Variants in CARMIL1 observed in about 807,000 individuals in gnomAD.
CARMIL1 encodes the protein capping protein regulator and myosin 1 linker 1, also known as F-actin-uncapping protein LRRC16A.
In CARMIL1, 90 loss-of-function variants were observed where a neutral mutation model predicts 177.1. That is an observed-to-expected ratio of 0.51 (90% CI 0.43 to 0.61). The LOEUF (loss-of-function observed/expected upper bound fraction) is 0.61, where lower values mean the gene tolerates loss of function less well. Among genes scored for constraint, CARMIL1 ranks in the 20% least tolerant of loss-of-function variants. CARMIL1 has a pLI of 0.00. For missense variants in CARMIL1, 1,380 were observed against 1,667.0 expected (o/e 0.83, Z 3.00); for synonymous variants, 577 against 606.2 (o/e 0.95, Z 0.71).
At chr6:25,459,857 G>A (rs566213767) in intron 8 of CARMIL1, among the ~76,000 whole-genome samples, 27 of 152,138 alleles carry the variant, frequency 1.8e-4, no homozygotes, top group Admixed American at 5.2e-4. Context: ...CTCATGAGAG[G>A]GTTCCCTCAA....
At chr6:25,366,633 C>T (rs1030792339) in intron 2 of CARMIL1, among the ~76,000 whole-genome samples, 3 of 150,414 alleles carry the variant, frequency 2.0e-5, no homozygotes, top group African/African-American at 7.4e-5. Context: ...TAGTGCCTGG[C>T]ACATACTAGA....
At chr6:25,531,933 G>C (rs1807800299) in intron 24 of CARMIL1, among the ~76,000 whole-genome samples, 1 of 151,876 alleles carries the variant, frequency 6.6e-6, no homozygotes, top group African/African-American at 2.4e-5. Flanking sequence ...ACCACACCCA[G>C]CTAATTTTTG....
chr6:25,327,769 A>G (rs1384839267), intron 2 of CARMIL1, among the ~76,000 whole-genome samples: 3 of 152,256 alleles, frequency 2.0e-5, no homozygotes. Context: ...TTTGTGCCTC[A>G]TGTCATGTTA....
At chr6:25,281,136 G>A (rs796162905) in intron 1 of CARMIL1, among the ~76,000 whole-genome samples, 2,435 of 132,186 alleles carry the variant, frequency 0.018, 37 homozygotes, top group Non-Finnish European at 0.025. Context: ...GTGCGCGCGC[G>A]CACACACACA....
chr6:25,332,773 G>GCACA (rs376381821), intron 2 of CARMIL1, among the ~76,000 whole-genome samples: 5,807 of 104,362 alleles, frequency 0.056, 164 homozygotes, highest in Non-Finnish European at 0.08. Context: ...ACACACACAC[G>GCACA]CGCACACACA....
chr6:25,292,525 C>G (rs1404546576), intron 2 of CARMIL1, among the ~76,000 whole-genome samples: 1 of 152,168 alleles, frequency 6.6e-6, no homozygotes, highest in African/African-American at 2.4e-5. Context: ...GGGGCAGGCT[C>G]TGGCCCTGGG....
At chr6:25,386,119 G>T (rs987583965) in intron 2 of CARMIL1, among the ~76,000 whole-genome samples, 1 of 152,200 alleles carries the variant, frequency 6.6e-6, no homozygotes, top group Admixed American at 6.5e-5. Context: ...TGGGCAAATA[G>T]CCCAAGAATT....
At chr6:25,489,792 G>T (rs563404233) in intron 13 of CARMIL1, among the ~76,000 whole-genome samples, 3 of 151,648 alleles carry the variant, frequency 2.0e-5, no homozygotes, top group Non-Finnish European at 4.4e-5. Flanking sequence ...TTCCTGGTGT[G>T]CCACGATTTT....
intron 2 of CARMIL1, among the ~76,000 whole-genome samples, chr6:25,365,435 G>A (rs1789679398): frequency 6.6e-6 from 1 of 152,210 alleles, no homozygotes; most frequent in Admixed American, 6.5e-5. Flanking sequence ...TCAGTGCACT[G>A]AGGGATGGTG....
intron 4 of CARMIL1, among the ~76,000 whole-genome samples, chr6:25,431,263 AGTGTGTGT>A (rs71717418): frequency 2.0e-5 from 3 of 148,712 alleles, no homozygotes; most frequent in African/African-American, 7.3e-5. Context: ...CTACAAAGAA[AGTGTGTGT>A]GTGTGTGTGT....
chr6:25,519,574 A>AT (rs1272581439), intron 22 of CARMIL1, among the ~76,000 whole-genome samples: 1 of 152,196 alleles, frequency 6.6e-6, no homozygotes, highest in East Asian at 1.9e-4. Context: ...CAGTTGCTTC[A>AT]TTTGGTTTCT....
chr6:25,391,305 A>C (rs1792796572), intron 2 of CARMIL1, among the ~76,000 whole-genome samples: 2 of 152,130 alleles, frequency 1.3e-5, no homozygotes, highest in Non-Finnish European at 2.9e-5. Context: ...AACGTTGATA[A>C]TTACACTGCT....
At chr6:25,565,582 C>T (rs1281783131) in intron 29 of CARMIL1, among the ~76,000 whole-genome samples, 1 of 152,188 alleles carries the variant, frequency 6.6e-6, no homozygotes, top group East Asian at 1.9e-4. Flanking sequence ...TACAGTGGCT[C>T]ACGCCTGTAA....
intron 2 of CARMIL1, among the ~76,000 whole-genome samples, chr6:25,406,199 C>G (rs996720163): frequency 1.3e-5 from 2 of 152,030 alleles, no homozygotes. Flanking sequence ...AATAGGGAGA[C>G]CTGGTGTAGT....
At chr6:25,286,809 A>G (rs540702861) in intron 2 of CARMIL1, among the ~76,000 whole-genome samples, 15 of 152,382 alleles carry the variant, frequency 9.8e-5, no homozygotes, top group African/African-American at 3.6e-4. Context: ...TTAAAATTTC[A>G]AAGACAAATT....
chr6:25,455,823 A>G (rs1460573840), intron 8 of CARMIL1, among the ~76,000 whole-genome samples: 1 of 152,238 alleles, frequency 6.6e-6, no homozygotes, highest in Non-Finnish European at 1.5e-5. Context: ...TTAATGTCAC[A>G]GGTCTGAGAG....
chr6:25,372,080 A>G (rs964948478), intron 2 of CARMIL1, among the ~76,000 whole-genome samples: 3 of 151,966 alleles, frequency 2.0e-5, no homozygotes, highest in African/African-American at 7.2e-5. Flanking sequence ...TGGTTTTATT[A>G]CTGTGTTCTC....
intron 2 of CARMIL1, among the ~76,000 whole-genome samples, chr6:25,419,573 CTG>C (rs1795651614): frequency 6.6e-6 from 1 of 152,150 alleles, no homozygotes; most frequent in South Asian, 2.1e-4. Flanking sequence ...TGTTCTAAGA[CTG>C]AGAGAGGCAC....
chr6:25,521,021 T>C (rs949806639), intron 23 of CARMIL1, among the ~76,000 whole-genome samples: 1 of 152,176 alleles, frequency 6.6e-6, no homozygotes, highest in Non-Finnish European at 1.5e-5. Context: ...ATTTGAGGAA[T>C]CTTTGAACTT....
Sources: allele counts gnomAD v4.1 joint callset (sites outside exome capture counted in the v4.1 genomes callset), GRCh38; gene constraint gnomAD v4.1.1; transcripts MANE v1.5; gene names NCBI Gene and HGNC (gene_info 2026-07-23, HGNC 2026-07-21).